CES5A: variants seen among roughly 807,000 people sequenced by gnomAD.
CES5A encodes the protein carboxylesterase 5A.
In CES5A, 67 loss-of-function variants were observed where a neutral mutation model predicts 62.9. That is an observed-to-expected ratio of 1.07 (90% CI 0.88 to 1.31). The LOEUF (loss-of-function observed/expected upper bound fraction) is 1.31. Ranked by LOEUF, CES5A falls within the 50% of genes most tolerant of loss-of-function variation. The pLI is 0.00. For missense variants in CES5A, 748 were observed against 708.5 expected (o/e 1.06, Z -0.63); for synonymous variants, 296 against 280.8 (o/e 1.05, Z -0.54).
chr16:55,901,114 A>G (rs1009549555), intron 1 of CES5A, among the ~76,000 whole-genome samples: 1 of 152,130 alleles, frequency 6.6e-6, no homozygotes, highest in Admixed American at 6.5e-5. Flanking sequence ...CAATTGAATC[A>G]TGTGGGTGGG....
At chr16:55,934,837 G>T (rs1024738559) in intron 2 of CES5A, among the ~76,000 whole-genome samples, 3 of 152,232 alleles carry the variant, frequency 2.0e-5, no homozygotes, top group Non-Finnish European at 4.4e-5. Flanking sequence ...CAGTCTAAGC[G>T]CAGGGCCTGA....
At chr16:55,870,703 A>C (rs2033565059) in intron 3 of CES5A, among the ~76,000 whole-genome samples, 1 of 152,222 alleles carries the variant, frequency 6.6e-6, no homozygotes, top group Non-Finnish European at 1.5e-5. Flanking sequence ...GTCCCAAAAA[A>C]AAGAGGGAAG....
In CES5A at chr16:55,907,497, C is replaced by T. The variant is rs142196256; in HGVS notation, c.-256+17826G>A. ...TATTCGGTGCCTCCAAGCTCCCAGA[C>T]TCCGTGTGATACTCATAGAGGTTAT... On this transcript the variant is annotated intron_variant, in intron 1 of 12. Transcript: ENST00000518005. Among the ~76,000 whole-genome samples the T allele has an allele frequency of 5.9e-5, 9 of 152,338 alleles. No homozygotes were observed. In the East Asian group the frequency reaches 1.7e-3, roughly 29 times the overall value.
At chr16:55,939,774 T>G (rs922134722) in intron 2 of CES5A, among the ~76,000 whole-genome samples, 2 of 151,542 alleles carry the variant, frequency 1.3e-5, no homozygotes, top group Admixed American at 6.6e-5. Flanking sequence ...TCCTGGATCA[T>G]AAAACAAGCT....
At chr16:55,933,523 C>A (rs1490680581) in intron 2 of CES5A, among the ~76,000 whole-genome samples, 3 of 152,154 alleles carry the variant, frequency 2.0e-5, no homozygotes, top group Non-Finnish European at 4.4e-5. Context: ...CTGCTCTCTT[C>A]CTCCATCTTA....
rs1488620612 is a variant in CES5A at position 55,873,999 on chromosome 16, C to G, written c.112G>C (p.Gly38Arg). 6 of 1,610,774 alleles carry G rather than the reference C, an allele frequency of 3.7e-6. No homozygotes were observed. The highest frequency in any genetic ancestry group is 5.1e-6 in the Non-Finnish European group (6 of 1,178,910). ...AEGPQRNTRLGWIQGKQVTVL... is the reference protein window; with the variant it reads ...AEGPQRNTRLRWIQGKQVTVL... ...GTGACTTGCTTGCCCTGAATCCATC[C>G]CAGCCTGGTGTTCCTCTGTGGCCCT... The change falls in exon 2 of 13, where the codon GGA becomes CGA. Residue 38 changes from glycine (G) to arginine (R), a missense_variant. By Grantham distance (125) the Gly-to-Arg change is moderately radical. Transcript: ENST00000290567.
chr16:55,923,467 T>C (rs1158339581), intron 1 of CES5A, among the ~76,000 whole-genome samples: 2 of 151,764 alleles, frequency 1.3e-5, no homozygotes, highest in Non-Finnish European at 3.0e-5. Context: ...GATTGAACTA[T>C]GAAGAAATAC....
rs534436343 is a variant in CES5A, at chr16:55,921,665, CAA to C, written c.-256+3656_-256+3657del. Among the ~76,000 whole-genome samples, 291 of 124,458 alleles carry C rather than the reference CAA, an allele frequency of 2.3e-3. 1 individual carries two copies. Among genetic ancestry groups the C allele is most frequent in the African/African-American group, 6.9e-3 (235 of 34,222 alleles). The allele number at this position is 124,458 out of a possible 152,430, so 81.6% of individuals were successfully genotyped here. A position where few individuals can be genotyped will look rare whatever the true frequency, so the allele number is the denominator to read the frequency against. On this transcript the variant is annotated intron_variant, in intron 1 of 12. Coordinates refer to the CES5A transcript ENST00000518005. ...AAAAAAAAAAAAAACCATTGAAGTG[CAA>C]AAAAAAAAAATTGAAGGCATAAAAC...
chr16:55,913,133 A>G (rs1425201482), intron 1 of CES5A, among the ~76,000 whole-genome samples: 1 of 152,128 alleles, frequency 6.6e-6, no homozygotes, highest in African/African-American at 2.4e-5. Context: ...TTTTTCAGAT[A>G]ATTTGGCAGG....
In CES5A at chr16:55,846,586, G is replaced by A. The variant is rs1484515944; in HGVS notation, c.1593C>T (p.Leu531=). The change falls in exon 13 of 13, where the codon CTC becomes CTT. Residue 531 remains leucine (L), a synonymous_variant. Coordinates refer to ENST00000290567, the MANE Select transcript of CES5A (RefSeq NM_001143685.2). ...TCCAAAAATCCACCCGCGGTTCTTT[G>A]AGTCTCTGTCCGAGGCTCATGTTCA... ...LDLNMSLGQR[L]KEPRVDFWTS... The A allele has an allele frequency of 1.2e-6, 2 of 1,614,074 alleles. No homozygotes were observed. The highest frequency in any genetic ancestry group is 1.3e-5 in the African/African-American group (1 of 74,936).
intron 1 of CES5A, among the ~76,000 whole-genome samples, chr16:55,898,486 C>A (rs1166475852): frequency 6.6e-6 from 1 of 151,890 alleles, no homozygotes; most frequent in Non-Finnish European, 1.5e-5. Flanking sequence ...AGCAAATAAC[C>A]CCTGAAGAGA....
intron 5 of CES5A, 90 bp downstream of exon 5, chr16:55,865,873 T>C (rs1256120591): frequency 7.0e-7 from 1 of 1,431,400 alleles, no homozygotes; most frequent in Non-Finnish European, 9.8e-7. Context: ...TTGTTCAACA[T>C]GAAGGCAACA....
At position 55,848,899 on chromosome 16, in the gene CES5A, T is replaced by A. The variant is rs531413436; in HGVS notation, c.1423+725A>T. ...TGACAACCTAGGAGGAAGTTCTTTA[T>A]TATCTGTGTTGTGAGGATGAAAAAC... is the stretch of plus-strand genomic sequence containing the variant. On this transcript the variant is annotated intron_variant, in intron 11 of 12. Transcript: ENST00000290567. Among the ~76,000 whole-genome samples, 7 of 152,332 alleles carry A rather than the reference T, an allele frequency of 4.6e-5. No individual in the cohort carries two copies. The South Asian group carries it at 1.5e-3, about 32-fold the overall frequency.
At chr16:55,863,297 T>A (rs1450344556) in intron 6 of CES5A, 51 bp downstream of exon 6, 1 of 995,856 alleles carries the variant, frequency 1.0e-6, no homozygotes, top group Non-Finnish European at 1.6e-6. Flanking sequence ...CTGACCACAT[T>A]CTCTGCTAAC....
At chr16:55,941,678 T>C (rs779733317) in intron 2 of CES5A, among the ~76,000 whole-genome samples, 2 of 152,026 alleles carry the variant, frequency 1.3e-5, no homozygotes, top group Non-Finnish European at 2.9e-5. Context: ...GAAAAAGGAA[T>C]TACAAAGTTG....
At chr16:55,905,767 A>G (rs1411017519) in intron 1 of CES5A, among the ~76,000 whole-genome samples, 5 of 152,220 alleles carry the variant, frequency 3.3e-5, no homozygotes, top group African/African-American at 1.2e-4. Flanking sequence ...GCACACAGAT[A>G]AAGTTGGGCC....
At chr16:55,915,105 C>G (rs1448103715) in intron 1 of CES5A, among the ~76,000 whole-genome samples, 1 of 151,872 alleles carries the variant, frequency 6.6e-6, no homozygotes, top group Non-Finnish European at 1.5e-5. Flanking sequence ...TGATATTACT[C>G]CAGGCTGGAA....
At chr16:55,865,272 A>G (rs1453441249) in intron 5 of CES5A, among the ~76,000 whole-genome samples, 1 of 151,744 alleles carries the variant, frequency 6.6e-6, no homozygotes, top group Non-Finnish European at 1.5e-5. Context: ...ACACTATACA[A>G]ATATATAGAT....
chr16:55,892,655 A>G (rs1268075571), intron 1 of CES5A, among the ~76,000 whole-genome samples: 3 of 152,076 alleles, frequency 2.0e-5, no homozygotes, highest in African/African-American at 7.2e-5. Flanking sequence ...AAGAGCACTA[A>G]TGGAATTTTG....
Sources: gnomAD v4.1 joint callset for allele counts (sites outside exome capture counted in the v4.1 genomes callset) on GRCh38, gnomAD v4.1.1 for gene constraint, MANE v1.5 for transcripts, NCBI Gene and HGNC (gene_info 2026-07-23, HGNC 2026-07-21) for gene names.